Variants in MBD5 observed in about 807,000 individuals in gnomAD.
MBD5 encodes the protein methyl-CpG binding domain protein 5.
In MBD5, 13 loss-of-function variants were observed where a neutral mutation model predicts 117.3. The ratio of observed to expected loss-of-function variants is 0.11; its 90% confidence interval spans 0.07 to 0.18. The LOEUF (loss-of-function observed/expected upper bound fraction) is 0.18. Among genes scored for constraint, MBD5 ranks in the 10% least tolerant of loss-of-function variants. The pLI, the probability that MBD5 is intolerant of heterozygous loss-of-function variation, is 1.00. For missense variants in MBD5, 1,879 were observed against 2,093.8 expected, an observed-to-expected ratio of 0.90 and a Z score of 2.00; for synonymous variants, 727 against 766.4, an observed-to-expected ratio of 0.95 and a Z score of 0.85.
intron 1 of MBD5, among the ~76,000 whole-genome samples, chr2:148,168,984 T>C (rs1373588091): frequency 1.3e-5 from 2 of 149,286 alleles, no homozygotes; most frequent in Non-Finnish European, 3.0e-5. Flanking sequence ...GTATAATATA[T>C]ATATATATAT....
At chr2:148,476,666 G>A (rs1270393582) in intron 8 of MBD5, among the ~76,000 whole-genome samples, 12 of 152,112 alleles carry the variant, frequency 7.9e-5, no homozygotes, top group South Asian at 6.2e-4. Flanking sequence ...CCCACTAATA[G>A]ATCTCAATAA....
At chr2:148,280,041 T>G (rs1054190748) in intron 3 of MBD5, among the ~76,000 whole-genome samples, 5 of 151,488 alleles carry the variant, frequency 3.3e-5, no homozygotes, top group African/African-American at 1.2e-4. Flanking sequence ...GAACTGATAT[T>G]TCTCTTGGTT....
chr2:148,352,331 T>G (rs1255337786), intron 4 of MBD5, among the ~76,000 whole-genome samples: 1 of 152,048 alleles, frequency 6.6e-6, no homozygotes, highest in Non-Finnish European at 1.5e-5. Flanking sequence ...AATTATATAT[T>G]CACATGCAGT....
At chr2:148,202,735 GC>G in intron 2 of MBD5, among the ~76,000 whole-genome samples, 1 of 152,056 alleles carries the variant, frequency 6.6e-6, no homozygotes, top group East Asian at 1.9e-4. Flanking sequence ...TGTTTAAAAA[GC>G]AGTTCTTTAG....
At chr2:148,431,505 AC>A (rs768313440) in intron 4 of MBD5, among the ~76,000 whole-genome samples, 11 of 151,780 alleles carry the variant, frequency 7.2e-5, no homozygotes, top group Non-Finnish European at 1.3e-4. Flanking sequence ...TAAGCATACT[AC>A]CTGATAGGTA....
At chr2:148,038,545 AAG>A (rs1328105743) in intron 1 of MBD5, among the ~76,000 whole-genome samples, 1 of 151,254 alleles carries the variant, frequency 6.6e-6, no homozygotes, top group African/African-American at 2.4e-5. Flanking sequence ...GGAAAAGAAA[AAG>A]AAAACTTGAG....
intron 3 of MBD5, among the ~76,000 whole-genome samples, chr2:148,308,780 G>T: frequency 6.6e-6 from 1 of 151,892 alleles, no homozygotes; most frequent in Non-Finnish European, 1.5e-5. Flanking sequence ...GGTTTTTATG[G>T]TTTTAGGTCT....
At chr2:148,385,509 G>A (rs187475054) in intron 4 of MBD5, among the ~76,000 whole-genome samples, 2 of 152,232 alleles carry the variant, frequency 1.3e-5, no homozygotes, top group East Asian at 1.9e-4. Flanking sequence ...TACACTGTTG[G>A]TGGAACTGTA....
intron 1 of MBD5, among the ~76,000 whole-genome samples, chr2:148,060,132 C>CA (rs35925701): frequency 0.017 from 236 of 14,040 alleles, 90 homozygotes; most frequent in African/African-American, 0.058. Flanking sequence ...ACAAAAAGTG[C>CA]AAAAAAAAAA....
intron 3 of MBD5, among the ~76,000 whole-genome samples, chr2:148,315,257 G>C (rs771698773): frequency 3.3e-5 from 5 of 151,976 alleles, no homozygotes; most frequent in African/African-American, 4.8e-5. Flanking sequence ...TCCCTCTTAC[G>C]GTCCCACATA....
chr2:148,295,165 C>A (rs1701619457), intron 3 of MBD5, among the ~76,000 whole-genome samples: 1 of 151,994 alleles, frequency 6.6e-6, no homozygotes, highest in Admixed American at 6.6e-5. Context: ...CTTCTGGTAC[C>A]CCTCTTATGC....
At chr2:148,163,152 C>G (rs1342135240) in intron 1 of MBD5, among the ~76,000 whole-genome samples, 1 of 152,142 alleles carries the variant, frequency 6.6e-6, no homozygotes, top group African/African-American at 2.4e-5. Flanking sequence ...AGTTGAGAAA[C>G]TGCCACATAT....
intron 1 of MBD5, among the ~76,000 whole-genome samples, chr2:148,111,273 G>T (rs1696498432): frequency 6.6e-6 from 1 of 152,274 alleles, no homozygotes; most frequent in Non-Finnish European, 1.5e-5. Flanking sequence ...GCCTTCAACT[G>T]TGGTAAACTC....
intron 1 of MBD5, chr2:148,028,320 C>T (rs1042146400): frequency 6.6e-6 from 1 of 151,964 alleles, no homozygotes; most frequent in Non-Finnish European, 1.5e-5. Context: ...GCTAACCAAT[C>T]AAGATTCTAG....
intron 1 of MBD5, among the ~76,000 whole-genome samples, chr2:148,094,951 G>GT (rs1433716279): frequency 6.6e-6 from 1 of 152,098 alleles, no homozygotes; most frequent in South Asian, 2.1e-4. Flanking sequence ...CAAAGCTAGT[G>GT]TTTTTTCTAT....
chr2:148,475,553 A>C (rs1325980220), intron 8 of MBD5, among the ~76,000 whole-genome samples: 1 of 152,126 alleles, frequency 6.6e-6, no homozygotes, highest in African/African-American at 2.4e-5. Context: ...ATGTTTGCTG[A>C]TTCAGTGATC....
At chr2:148,250,198 A>G (rs892530374) in intron 3 of MBD5, among the ~76,000 whole-genome samples, 27 of 152,176 alleles carry the variant, frequency 1.8e-4, no homozygotes, top group African/African-American at 6.5e-4. Context: ...ATCCTTAGCA[A>G]ACTAATGCAG....
At chr2:148,142,140 C>G (rs935775481) in intron 1 of MBD5, among the ~76,000 whole-genome samples, 1 of 151,946 alleles carries the variant, frequency 6.6e-6, no homozygotes, top group Non-Finnish European at 1.5e-5. Flanking sequence ...AAATGGGAGT[C>G]CCACAAAAGA....
At chr2:148,369,830 A>G (rs16828595) in intron 4 of MBD5, among the ~76,000 whole-genome samples, 32,413 of 152,058 alleles carry the variant, frequency 0.21, 4,030 homozygotes, top group East Asian at 0.53. Context: ...TAAATTCTTT[A>G]TGTTAAATGT....
Sources: gnomAD v4.1 joint callset for allele counts (sites outside exome capture counted in the v4.1 genomes callset) on GRCh38, gnomAD v4.1.1 for gene constraint, MANE v1.5 for transcripts, NCBI Gene and HGNC (gene_info 2026-07-23, HGNC 2026-07-21) for gene names.